Variants in BIRC6 observed in about 807,000 individuals in gnomAD.
BIRC6 encodes the protein dual E2 ubiquitin-conjugating enzyme/E3 ubiquitin-protein ligase BIRC6.
A neutral mutation model predicts 503.3 loss-of-function variants in BIRC6; 98 were observed. That is an observed-to-expected ratio of 0.19 (90% CI 0.17 to 0.23). BIRC6 has a LOEUF of 0.23. Ranked by LOEUF, BIRC6 falls within the 10% of genes least tolerant of loss-of-function variation. BIRC6 has a pLI of 1.00. For synonymous variants in BIRC6, 2,240 were observed against 2,078.7 expected (o/e 1.08, Z -2.11); for missense variants, 5,360 against 5,806.0 (o/e 0.92, Z 2.50).
chr2:32,425,454 T>A (rs62136287), intron 10 of BIRC6, among the ~76,000 whole-genome samples: 11,280 of 149,154 alleles, frequency 0.076, 556 homozygotes, highest in Admixed American at 0.15. Flanking sequence ...TTTTTTCTCC[T>A]GTAAATGGGC....
At chr2:32,586,404 G>A (rs1032986944) in intron 66 of BIRC6, among the ~76,000 whole-genome samples, 2 of 135,888 alleles carry the variant, frequency 1.5e-5, no homozygotes, top group African/African-American at 5.4e-5. Flanking sequence ...TATTATCTCA[G>A]ACAAAATCTC....
At chr2:32,386,344 T>C (rs2038454426) in intron 3 of BIRC6, among the ~76,000 whole-genome samples, 1 of 152,122 alleles carries the variant, frequency 6.6e-6, no homozygotes, top group South Asian at 2.1e-4. Flanking sequence ...CGCCACCTGA[T>C]AGTTTACCAT....
chr2:32,468,651 G>A lies in BIRC6; in HGVS notation c.5995G>A (p.Gly1999Ser). ...NAVQRLKVAL[G>S]ASRKMLSETS... ...AGTGCAGAGGCTCAAAGTGGCGCTA[G>A]GTGCAAGCCGGAAGATGTTGAGTGA... The change falls in exon 29 of 74, where the codon GGT becomes AGT. Residue 1999 changes from glycine to serine, a missense_variant. Gly to Ser is a moderately conservative substitution (Grantham distance 56, BLOSUM62 0). Coordinates refer to ENST00000421745, the MANE Select transcript of BIRC6 (RefSeq NM_016252.4). 6.2e-7 allele frequency: 1 copy of A among 1,613,968 alleles called. No homozygotes were observed. The highest frequency in any genetic ancestry group is 1.1e-5 in the South Asian group (1 of 91,078).
chr2:32,513,983 A>G (rs1236668305), intron 54 of BIRC6, among the ~76,000 whole-genome samples: 1 of 123,244 alleles, frequency 8.1e-6, no homozygotes, highest in Admixed American at 8.9e-5. Context: ...AGGCGCAAGA[A>G]TTGTTTGAGT....
At chr2:32,472,802 G>C (rs553076267) in intron 32 of BIRC6, among the ~76,000 whole-genome samples, 7 of 152,252 alleles carry the variant, frequency 4.6e-5, no homozygotes, top group Non-Finnish European at 8.8e-5. Flanking sequence ...TGTTGAAATT[G>C]AATGACATCA....
At chr2:32,519,346 A>G (rs79846756) in intron 57 of BIRC6, 4,641 of 178,262 alleles carry the variant, frequency 0.026, 241 homozygotes, top group African/African-American at 0.1. Flanking sequence ...TGGAGTAGGT[A>G]GAATTGACTG....
At chr2:32,496,870 TC>T (rs200376513) in intron 45 of BIRC6, among the ~76,000 whole-genome samples, 1 of 152,148 alleles carries the variant, frequency 6.6e-6, no homozygotes, top group African/African-American at 2.4e-5. Flanking sequence ...TGGGTTCCCC[TC>T]CCCCCATCCA....
chr2:32,559,194 A>G (rs1370499474), intron 65 of BIRC6, among the ~76,000 whole-genome samples: 2 of 152,260 alleles, frequency 1.3e-5, no homozygotes, highest in South Asian at 2.1e-4. Flanking sequence ...TGTTGATGAC[A>G]ATTCCAAGAT....
At chr2:32,382,587 G>T (rs576792189) in intron 3 of BIRC6, among the ~76,000 whole-genome samples, 42 of 152,316 alleles carry the variant, frequency 2.8e-4, no homozygotes, top group African/African-American at 8.7e-4. Context: ...ATAGAGCAGA[G>T]AATTAAAGGG....
In BIRC6 at chr2:32,357,109, G is replaced by A; in HGVS notation, c.-53G>A. 1.4e-6 allele frequency: 2 copies of A among 1,393,816 alleles called. No homozygotes were observed. Among genetic ancestry groups the A allele is most frequent in the Non-Finnish European group, 9.3e-7 (1 of 1,072,368 alleles). The allele number at this position is 1,393,816 out of a possible 1,614,324, so 86.3% of individuals were successfully genotyped here. On this transcript the variant is annotated 5_prime_UTR_variant, in exon 1 of 74. Coordinates refer to ENST00000421745, the MANE Select transcript of BIRC6 (RefSeq NM_016252.4). The surrounding 1 kb of genome is among the most constrained non-coding windows in gnomAD (Gnocchi z 4.9). Reference sequence around the variant, plus strand: ...GGCGATCGACGTTCCGCGTGCGTGCGGGCGCCTGACTTCACTTCCGGCTAA... The same window carrying A: ...GGCGATCGACGTTCCGCGTGCGTGCAGGCGCCTGACTTCACTTCCGGCTAA...
intron 8 of BIRC6, among the ~76,000 whole-genome samples, chr2:32,403,629 A>T (rs1467511832): frequency 6.6e-6 from 1 of 152,218 alleles, no homozygotes; most frequent in Non-Finnish European, 1.5e-5. Flanking sequence ...ATTGCTGTAA[A>T]CCAAGGTACT....
chr2:32,399,800 T>A (rs2040399780), intron 6 of BIRC6, among the ~76,000 whole-genome samples: 1 of 151,986 alleles, frequency 6.6e-6, no homozygotes, highest in Admixed American at 6.5e-5. Flanking sequence ...AATTTTTTAT[T>A]TTTTAGAGAC....
At chr2:32,450,332 A>C (rs1485296322) in intron 22 of BIRC6, among the ~76,000 whole-genome samples, 1 of 152,150 alleles carries the variant, frequency 6.6e-6, no homozygotes, top group Non-Finnish European at 1.5e-5. Context: ...CCAAAAAATT[A>C]GCCAAATGCG....
At chr2:32,504,015 G>T (rs769909035) in intron 49 of BIRC6, among the ~76,000 whole-genome samples, 2 of 104,766 alleles carry the variant, frequency 1.9e-5, no homozygotes, top group Non-Finnish European at 3.7e-5. Context: ...CCACACTGGG[G>T]CGGGGGGTGG....
intron 10 of BIRC6, among the ~76,000 whole-genome samples, chr2:32,417,972 G>T (rs1478477972): frequency 7.2e-5 from 11 of 152,046 alleles, no homozygotes; most frequent in Admixed American, 7.2e-4. Context: ...TAGTGACGAG[G>T]TTTCACTATG....
chr2:32,484,605 G>A (rs980000578), intron 39 of BIRC6, among the ~76,000 whole-genome samples: 5 of 150,826 alleles, frequency 3.3e-5, no homozygotes, highest in African/African-American at 9.7e-5. Context: ...TAGTTTATTC[G>A]TTCAGTTTTG....
chr2:32,358,136 G>T (rs1004069869), intron 1 of BIRC6, among the ~76,000 whole-genome samples: 1 of 152,114 alleles, frequency 6.6e-6, no homozygotes, highest in African/African-American at 2.4e-5. Context: ...CTCTGCGGAC[G>T]CCGAAGACGA....
intron 71 of BIRC6, among the ~76,000 whole-genome samples, chr2:32,606,666 TA>T (rs2062476567): frequency 6.6e-6 from 1 of 152,090 alleles, no homozygotes. Flanking sequence ...AATAAAAATT[TA>T]AAATGGTCTC....
Position 32,445,641 on chromosome 2 carries a change from C to T in BIRC6, c.4457C>T (p.Thr1486Ile). 6.4e-7 allele frequency: 1 copy of T among 1,574,544 alleles called. No individual in the cohort carries two copies. The highest frequency in any genetic ancestry group is 8.6e-7 in the Non-Finnish European group (1 of 1,158,984). Reference protein sequence around the residue: ...AVSRQLQDRLTPMEALLQTRY... With the variant: ...AVSRQLQDRLIPMEALLQTRY... ...TCCAGACAGTTACAGGACAGGCTAA[C>T]ACCAATGGAGGCTTTACTTCAGACA... is the stretch of plus-strand genomic sequence containing the variant. The change falls in exon 21 of 74, where the codon ACA becomes ATA. Residue 1486 changes from threonine (T) to isoleucine (I), a missense_variant. By Grantham distance (89) the Thr-to-Ile change is moderately conservative (BLOSUM62 -1). Coordinates refer to ENST00000421745, the MANE Select transcript of BIRC6 (RefSeq NM_016252.4).
Sources: allele counts gnomAD v4.1 joint callset (sites outside exome capture counted in the v4.1 genomes callset), GRCh38; gene constraint gnomAD v4.1.1; non-coding constraint Gnocchi (gnomAD v3.1); transcripts MANE v1.5; gene names NCBI Gene and HGNC (gene_info 2026-07-23, HGNC 2026-07-21).